The following PDXDC1 variants were observed in gnomAD, a reference collection of about 807,000 sequenced individuals.
PDXDC1 encodes pyridoxal dependent decarboxylase domain containing 1.
In PDXDC1, 42 loss-of-function variants were observed where a neutral mutation model predicts 100.1. The ratio of observed to expected loss-of-function variants is 0.42; its 90% CI spans 0.33 to 0.54. The LOEUF is 0.54. Among genes scored for constraint, PDXDC1 ranks in the 20% least tolerant of loss-of-function variants. PDXDC1 has a pLI of 0.10. For synonymous variants in PDXDC1, 260 were observed against 371.7 expected (o/e 0.70, Z 3.46); for missense variants, 636 against 979.2 (o/e 0.65, Z 4.68).
chr16:15,040,874 A>T (rs2043785648), downstream of PDXDC1, among the ~76,000 whole-genome samples: 1 of 152,162 alleles, frequency 6.6e-6, no homozygotes, highest in African/African-American at 2.4e-5. Flanking sequence ...AGTGAATGTT[A>T]TCTCAGTTTT....
chr16:15,094,082 T>A (rs1216410089), intron 16 of PDXDC1: 1 of 1,421,352 alleles, frequency 7.0e-7, no homozygotes, highest in African/African-American at 1.4e-5. Flanking sequence ...TTCAATCCGC[T>A]CCTCTAAGCG....
chr16:14,999,707 ATTAC>A (rs1298093870), intron 3 of PDXDC1, among the ~76,000 whole-genome samples: 4 of 152,264 alleles, frequency 2.6e-5, no homozygotes, highest in Non-Finnish European at 5.9e-5. Context: ...AAAATGTCAA[ATTAC>A]TTATTTTTTG....
At chr16:15,136,261 A>G in intron 16 of PDXDC1, 1 of 616,924 alleles carries the variant, frequency 1.6e-6, no homozygotes, top group Non-Finnish European at 2.8e-6. Flanking sequence ...GAGCCTGGAG[A>G]GCAGGGCCCA....
At chr16:15,041,775 T>G, downstream of PDXDC1, 1 of 860,526 alleles carries the variant, frequency 1.2e-6, no homozygotes, top group East Asian at 2.5e-5. Flanking sequence ...GGCAGCCAAC[T>G]GAGTGTGCTC....
intron 12 of PDXDC1, among the ~76,000 whole-genome samples, chr16:15,020,139 A>AGC (rs2042079264): frequency 7.0e-6 from 1 of 142,686 alleles, no homozygotes; most frequent in Non-Finnish European, 1.5e-5. Flanking sequence ...AAAAAAAAAA[A>AGC]GCCAAAAAAC....
intron 16 of PDXDC1, chr16:15,133,950 G>C: frequency 1.4e-6 from 2 of 1,404,176 alleles, no homozygotes; most frequent in Non-Finnish European, 2.0e-6. Context: ...CAGCGTGAAG[G>C]TGTATCCCTC....
chr16:15,134,066 A>T, intron 16 of PDXDC1: 9 of 1,573,144 alleles, frequency 5.7e-6, no homozygotes, highest in Non-Finnish European at 7.7e-6. Context: ...ACGTACGTGC[A>T]GCCCACCGCT....
downstream of PDXDC1, among the ~76,000 whole-genome samples, chr16:15,140,567 A>T (rs2048455755): frequency 6.6e-6 from 1 of 152,250 alleles, no homozygotes; most frequent in East Asian, 1.9e-4. Context: ...AATTGGTCAC[A>T]GCCATGGGAA....
intron 16 of PDXDC1, among the ~76,000 whole-genome samples, chr16:15,053,353 CT>C (rs2044369307): frequency 6.6e-6 from 1 of 152,180 alleles, no homozygotes; most frequent in Admixed American, 6.5e-5. Flanking sequence ...CACTGTATGA[CT>C]TATTGTTATT....
intron 16 of PDXDC1, among the ~76,000 whole-genome samples, chr16:15,122,775 C>T (rs547108010): frequency 4.0e-5 from 5 of 124,388 alleles, no homozygotes; most frequent in African/African-American, 1.2e-4. Context: ...TGGCTTAGGG[C>T]AGGGGGGAGG....
intron 1 of PDXDC1, among the ~76,000 whole-genome samples, chr16:14,975,899 A>G (rs1317348191): frequency 9.2e-5 from 14 of 152,290 alleles, no homozygotes; most frequent in Non-Finnish European, 2.1e-4. Flanking sequence ...GGTGTTGCGT[A>G]GATTGCGAAT....
chr16:15,133,626 C>G (rs369263677), intron 16 of PDXDC1: 34 of 1,286,456 alleles, frequency 2.6e-5, no homozygotes, highest in African/African-American at 7.3e-5. Context: ...CAGAACTCCT[C>G]GCAGTGGCCC....
chr16:15,129,553 AGAC>A (rs1488704131), intron 16 of PDXDC1, among the ~76,000 whole-genome samples: 1 of 152,248 alleles, frequency 6.6e-6, no homozygotes, highest in East Asian at 1.9e-4. Context: ...TCCGTCTGAG[AGAC>A]GAGCTATGCA....
intron 8 of PDXDC1, among the ~76,000 whole-genome samples, chr16:15,010,644 AAGAC>A (rs1331305552): frequency 2.0e-5 from 3 of 152,284 alleles, no homozygotes; most frequent in Non-Finnish European, 2.9e-5. Context: ...CTTGAAATCT[AAGAC>A]AGTGCAATAA....
Position 15,038,018 on chromosome 16 carries a change from T to TAATTCATGTTTTTTA in PDXDC1, c.*1745_*1759dup. 1 of 1,603,800 alleles carries TAATTCATGTTTTTTA rather than the reference T, an allele frequency of 6.2e-7. No homozygotes were observed. Among genetic ancestry groups the TAATTCATGTTTTTTA allele is most frequent in the South Asian group, 1.1e-5 (1 of 90,030 alleles). On this transcript the variant is annotated 3_prime_UTR_variant, in exon 23 of 23. Transcript: ENST00000396410. The stretch of plus-strand genomic sequence containing the variant: ...CAGGCCAAGAAGGTGCTTTCTTTGG[T>TAATTCATGTTTTTTA]AATTCATGTTTTTTAACTTCCTGGA...
chr16:14,980,689 A>G (rs1430630296), intron 1 of PDXDC1, among the ~76,000 whole-genome samples: 1 of 152,266 alleles, frequency 6.6e-6, no homozygotes, highest in East Asian at 1.9e-4. Flanking sequence ...GTTAGCCAGG[A>G]TGGTCTCGAT....
At chr16:15,021,542 G>A (rs1001145443) in intron 12 of PDXDC1, among the ~76,000 whole-genome samples, 19 of 152,280 alleles carry the variant, frequency 1.2e-4, no homozygotes, top group Admixed American at 8.5e-4. Flanking sequence ...TTGGGCACTC[G>A]GGAGATTTTT....
At chr16:14,979,541 C>T (rs535812909) in intron 1 of PDXDC1, among the ~76,000 whole-genome samples, 9 of 152,386 alleles carry the variant, frequency 5.9e-5, no homozygotes, top group Middle Eastern at 3.4e-3. Flanking sequence ...CCACCCGCCT[C>T]GGCCTCCCAA....
chr16:15,135,359 C>A, intron 16 of PDXDC1: 4 of 1,539,410 alleles, frequency 2.6e-6, no homozygotes, highest in Non-Finnish European at 3.5e-6. Context: ...AGCCGCCAGC[C>A]GTTCCCGTGG....
Sources: gnomAD v4.1 joint callset for allele counts (sites outside exome capture counted in the v4.1 genomes callset) on GRCh38, gnomAD v4.1.1 for gene constraint, MANE v1.5 for transcripts, NCBI Gene and HGNC (gene_info 2026-07-23, HGNC 2026-07-21) for gene names.